Variants in ACIN1 observed in about 807,000 individuals in gnomAD.
ACIN1 encodes apoptotic chromatin condensation inducer in the nucleus.
ACIN1 carries 16 observed loss-of-function variants against 146.6 expected under a neutral mutation model. The ratio of observed to expected loss-of-function variants is 0.11; its 90% confidence interval spans 0.07 to 0.17. ACIN1 has a LOEUF of 0.17. ACIN1 is among the 10% of genes least tolerant of loss of function. The pLI, the probability that ACIN1 is intolerant of heterozygous loss-of-function variation, is 1.00. For synonymous variants in ACIN1, 569 were observed against 582.7 expected, an observed-to-expected ratio of 0.98 and a Z score of 0.34; for missense variants, 1,357 against 1,609.3, an observed-to-expected ratio of 0.84 and a Z score of 2.68.
chr14:23,071,453 G>A, intron 8 of ACIN1: 1 of 1,551,762 alleles, frequency 6.4e-7, no homozygotes, highest in South Asian at 1.2e-5. Flanking sequence ...GGCTGGATTG[G>A]TCTCTCTGGA....
rs775510848 is a variant in ACIN1 at position 23,062,265 on chromosome 14, A to G, written c.3002T>C (p.Val1001Ala). 4 of 1,613,676 alleles carry G rather than the reference A, an allele frequency of 2.5e-6. No individual in the cohort carries two copies. The Admixed American group carries it at 6.7e-5, about 27-fold the overall frequency. Reference sequence around the variant, plus strand: ...TGTGCGGGTGGCAACAGCTTCCTCTACTGTTGAGTACTGGTGGAGGAAGGG... The same window carrying G: ...TGTGCGGGTGGCAACAGCTTCCTCTGCTGTTGAGTACTGGTGGAGGAAGGG... ...KSHCFVTYST[V>A]EEAVATRTAL... is the part of the protein sequence containing the mutation. Residue 1001 changes from valine (V) to alanine (A), a missense_variant, in exon 16 of 19, where the codon GTA (valine) becomes GCA (alanine). Coordinates refer to ENST00000605057, the MANE Select transcript of ACIN1 (RefSeq NM_001386863.1).
intron 1 of ACIN1, 49 bp from the exon 2 acceptor site, chr14:23,093,593 A>G (rs776870333): frequency 1.3e-6 from 2 of 1,498,896 alleles, no homozygotes; most frequent in Non-Finnish European, 1.9e-6. Context: ...AAAAAAAGAA[A>G]AACAAACCCC....
At chr14:23,060,316 T>C (rs2047236124) in intron 18 of ACIN1, among the ~76,000 whole-genome samples, 1 of 152,084 alleles carries the variant, frequency 6.6e-6, no homozygotes, top group South Asian at 2.1e-4. Flanking sequence ...GCACCATCCA[T>C]GCCTGGCCCT....
Position 23,067,511 on chromosome 14 carries a change from G to GC in ACIN1, c.2266-1504_2266-1503insG. 2.3e-5 allele frequency: 5 copies of GC among 221,734 alleles called. No individual in the cohort carries two copies. Among genetic ancestry groups the GC allele is most frequent in the Non-Finnish European group, 2.2e-5 (3 of 137,266 alleles). The allele number at this position is 221,734 out of a possible 1,614,324, so 13.7% of individuals were successfully genotyped here. On this transcript the variant is annotated intron_variant, in intron 9 of 18. Transcript: ENST00000605057. This position sits in a 1 kb window ranked among gnomAD's most constrained non-coding sequence, Gnocchi z 4.6. ...CCAGGGGCGCAGGGGGGGCGGGAGG[G>GC]AAACGTGTGGGGGGACGCTGCCCAG...
At chr14:23,076,941 G>A (rs1284025658) in intron 8 of ACIN1, among the ~76,000 whole-genome samples, 1 of 152,092 alleles carries the variant, frequency 6.6e-6, no homozygotes, top group African/African-American at 2.4e-5. Flanking sequence ...AAAGGATAGC[G>A]TACCCATTCC....
chr14:23,061,971 C>CAAAAAAAAAAAAAAAAAAAAAAAAAA (rs57962360), intron 16 of ACIN1, among the ~76,000 whole-genome samples, 197 bp downstream of exon 16: 1 of 59,132 alleles, frequency 1.7e-5, no homozygotes. Flanking sequence ...GACTCTGTCT[C>CAAAAAAAAAAAAAAAAAAAAAAAAAA]AAAAAAAAAA....
At position 23,064,452 on chromosome 14, in the gene ACIN1, G is replaced by A; in HGVS notation, c.2345C>T (p.Thr782Ile). ...TTTCCGACCAGGCTGGCCCCCCTCT[G>A]TGTCACTGTTTCCAGCTGGCACCCC... The part of the protein sequence containing the change: ...TKGVPAGNSD[T>I]EGGQPGRKRR... Residue 782 changes from threonine (T) to isoleucine (I), a missense_variant, in exon 11 of 19, where the codon ACA (threonine) becomes ATA (isoleucine). Thr to Ile is a moderately conservative substitution (Grantham distance 89). Coordinates refer to ENST00000605057, the MANE Select transcript of ACIN1 (RefSeq NM_001386863.1). 1 of 1,614,250 alleles carries A rather than the reference G, an allele frequency of 6.2e-7. No homozygotes were observed. Among genetic ancestry groups the A allele is most frequent in the Non-Finnish European group, 8.5e-7 (1 of 1,180,042 alleles).
At chr14:23,062,735 A>C in intron 14 of ACIN1, 194 bp downstream of exon 14, 1 of 825,034 alleles carries the variant, frequency 1.2e-6, no homozygotes, top group South Asian at 1.8e-5. Context: ...AAGTCCTCAA[A>C]ACAACCCTGC....
At chr14:23,088,873 T>TTGAG (rs1456931295) in intron 4 of ACIN1, among the ~76,000 whole-genome samples, 3 of 152,206 alleles carry the variant, frequency 2.0e-5, no homozygotes, top group Non-Finnish European at 4.4e-5. Flanking sequence ...AGCATTTCCT[T>TTGAG]TGAGTGTCAT....
At chr14:23,088,690 T>C (rs186664663) in intron 4 of ACIN1, among the ~76,000 whole-genome samples, 12 of 152,334 alleles carry the variant, frequency 7.9e-5, no homozygotes, top group Admixed American at 7.8e-4. Flanking sequence ...AAGTTACACA[T>C]TGGTTTAACA....
chr14:23,071,124 C>G (rs1181418406), intron 8 of ACIN1: 1 of 1,551,686 alleles, frequency 6.4e-7, no homozygotes, highest in Admixed American at 2.0e-5. Context: ...GAAGCTCTCA[C>G]CCTTCTTTGC....
chr14:23,074,695 C>G (rs540696892), intron 8 of ACIN1, among the ~76,000 whole-genome samples: 40 of 152,258 alleles, frequency 2.6e-4, no homozygotes, highest in African/African-American at 9.2e-4. Context: ...GTCTGTGAAA[C>G]TGCACAGAAT....
rs746409768 is a variant in ACIN1, at chr14:23,061,557, T to C, written c.3165A>G (p.Ile1055Met). 7 of 1,578,154 alleles carry C rather than the reference T, an allele frequency of 4.4e-6. No homozygotes were observed. The South Asian group carries it at 5.8e-5, about 13-fold the overall frequency. Residue 1055 changes from isoleucine to methionine, a missense_variant, in exon 17 of 19, where the codon ATA (isoleucine) becomes ATG (methionine). This residue lies in a region of ACIN1 where 509 missense variants were observed against 719.6 expected (regional missense o/e 0.71). Transcript: ENST00000605057. ...GGGGTGGGGGGTGCAGGGGCCGTGG[T>C]ATTCCCTGCTCCTCTGTCTTAGTTT... ...PSETKTEEQG[I>M]PRPLHPPPPP... is the part of the protein sequence containing the mutation.
chr14:23,094,390 T>C (rs549339172), intron 1 of ACIN1: 7 of 792,022 alleles, frequency 8.8e-6, no homozygotes, highest in African/African-American at 1.9e-5. Context: ...CTCTCACCAA[T>C]ATTCACCAAA....
intron 4 of ACIN1, among the ~76,000 whole-genome samples, chr14:23,086,315 G>A (rs2048089730): frequency 6.6e-6 from 1 of 152,184 alleles, no homozygotes; most frequent in Admixed American, 6.5e-5. Context: ...TCAATATTCT[G>A]AATATGCATT....
At chr14:23,084,616 GA>G (rs1197980124) in intron 4 of ACIN1, among the ~76,000 whole-genome samples, 3,880 of 105,206 alleles carry the variant, frequency 0.037, 129 homozygotes, top group African/African-American at 0.13. Flanking sequence ...TCTCAAAAAA[GA>G]AAAAAAAAAA....
chr14:23,092,072 G>T, intron 2 of ACIN1, among the ~76,000 whole-genome samples: 1 of 151,796 alleles, frequency 6.6e-6, no homozygotes, highest in East Asian at 1.9e-4. Flanking sequence ...GAAATCCTTG[G>T]TAACAGGAGC....
chr14:23,073,603 A>G (rs2047721393), intron 8 of ACIN1, among the ~76,000 whole-genome samples: 1 of 152,120 alleles, frequency 6.6e-6, no homozygotes, highest in Non-Finnish European at 1.5e-5. Context: ...GGTTGTGGTG[A>G]GCCGAGATCG....
chr14:23,065,906 A>G (rs1594749038), intron 10 of ACIN1, 60 bp downstream of exon 10: 2 of 1,508,890 alleles, frequency 1.3e-6, no homozygotes, highest in East Asian at 2.3e-5. Context: ...TCTGGTTCTC[A>G]ATGAATGCTG....
Sources: gnomAD v4.1 joint callset for allele counts (sites outside exome capture counted in the v4.1 genomes callset) on GRCh38, gnomAD v4.1.1 for gene constraint, gnomAD v4.1.1 regional missense constraint, Gnocchi (gnomAD v3.1) non-coding constraint, MANE v1.5 for transcripts, NCBI Gene and HGNC (gene_info 2026-07-23, HGNC 2026-07-21) for gene names.